Variants in PPP6R3 observed in about 807,000 individuals in gnomAD.
PPP6R3 encodes the protein protein phosphatase 6 regulatory subunit 3.
A neutral mutation model predicts 110.7 loss-of-function variants in PPP6R3; 38 were observed. That is an observed-to-expected ratio of 0.34 (90% CI 0.26 to 0.45). The LOEUF is 0.45. Ranked by LOEUF, PPP6R3 falls within the 20% of genes least tolerant of loss-of-function variation. The pLI, the probability that PPP6R3 is intolerant of heterozygous loss-of-function variation, is 1.00. For missense variants in PPP6R3, 870 were observed against 1,062.4 expected (o/e 0.82, Z 2.52); for synonymous variants, 369 against 373.5 (o/e 0.99, Z 0.14).
intron 1 of PPP6R3, among the ~76,000 whole-genome samples, chr11:68,500,328 C>G (rs772637839): frequency 6.6e-6 from 1 of 151,732 alleles, no homozygotes; most frequent in Non-Finnish European, 1.5e-5. Flanking sequence ...TTGCTCTTCT[C>G]CCACCATGCC....
Position 68,484,838 on chromosome 11 carries a change from C to T in PPP6R3, c.-158+24011C>T, listed in dbSNP as rs540557038. Among the ~76,000 whole-genome samples the T allele has an allele frequency of 3.9e-5, 6 of 152,226 alleles. No individual in the cohort carries two copies. The East Asian group carries it at 9.6e-4, about 24-fold the overall frequency. On this transcript the variant is annotated intron_variant, in intron 1 of 23. Coordinates refer to ENST00000393800, the MANE Select transcript of PPP6R3 (RefSeq NM_001164161.2). ...CTGACCTCAGGTGGTCCACCCACCT[C>T]GGCCTCCCAATGTGCTGAGATTACA...
At chr11:68,577,219 T>TA (rs2099535254) in intron 14 of PPP6R3, among the ~76,000 whole-genome samples, 1 of 152,138 alleles carries the variant, frequency 6.6e-6, no homozygotes, top group South Asian at 2.1e-4. Flanking sequence ...AAGGAAGGGT[T>TA]AAGTCATTTT....
At chr11:68,575,826 C>T in intron 13 of PPP6R3, 132 bp from the exon 14 acceptor site, 1 of 604,774 alleles carries the variant, frequency 1.7e-6, no homozygotes, top group Admixed American at 3.1e-5. Context: ...CACCCAGTTT[C>T]TCAGCTGATA....
intron 8 of PPP6R3, among the ~76,000 whole-genome samples, chr11:68,559,295 A>T (rs1260801426): frequency 2.0e-5 from 3 of 152,222 alleles, no homozygotes; most frequent in Non-Finnish European, 4.4e-5. Context: ...CAGCCATTTC[A>T]TGTGTGTCAT....
Position 68,613,310 on chromosome 11 carries a change from G to A in PPP6R3, c.*193G>A. On this transcript the variant is annotated 3_prime_UTR_variant, in exon 24 of 24. Coordinates refer to ENST00000393800, the MANE Select transcript of PPP6R3 (RefSeq NM_001164161.2). ...CAGAAGTGTAAAAATATTGCACATT[G>A]ACAAATACCAAGAATTTTTGCGTAT... The A allele has an allele frequency of 7.5e-7, 1 of 1,335,144 alleles. No individual in the cohort carries two copies. Among genetic ancestry groups the A allele is most frequent in the Non-Finnish European group, 9.6e-7 (1 of 1,046,048 alleles). The allele number at this position is 1,335,144 out of a possible 1,614,324, so 82.7% of individuals were successfully genotyped here.
At chr11:68,596,690 C>T (rs763675565) in intron 19 of PPP6R3, among the ~76,000 whole-genome samples, 4 of 152,238 alleles carry the variant, frequency 2.6e-5, no homozygotes, top group Non-Finnish European at 5.9e-5. Flanking sequence ...ACTTGTCCAG[C>T]TGAGTGCTTG....
At chr11:68,569,614 G>A in intron 10 of PPP6R3, 134 bp from the exon 11 acceptor site, 1 of 724,350 alleles carries the variant, frequency 1.4e-6, no homozygotes, top group Non-Finnish European at 2.1e-6. Flanking sequence ...GTGAACTCAG[G>A]TTCCTTTTAA....
At chr11:68,465,296 A>G (rs778582035) in intron 1 of PPP6R3, among the ~76,000 whole-genome samples, 2 of 152,188 alleles carry the variant, frequency 1.3e-5, no homozygotes, top group Non-Finnish European at 2.9e-5. Context: ...TCAGCCTTTA[A>G]CACAGTGATC....
intron 19 of PPP6R3, among the ~76,000 whole-genome samples, chr11:68,598,334 G>A (rs1008405336): frequency 3.9e-5 from 6 of 152,202 alleles, no homozygotes; most frequent in African/African-American, 1.4e-4. Flanking sequence ...TTAAGTGACA[G>A]GGAGGGAAAC....
chr11:68,581,953 A>G (rs1565995705), intron 14 of PPP6R3, among the ~76,000 whole-genome samples: 1 of 152,224 alleles, frequency 6.6e-6, no homozygotes, highest in African/African-American at 2.4e-5. Flanking sequence ...GGGGAAAGGA[A>G]GGGAGATTCA....
chr11:68,491,308 A>G (rs1438160131), intron 1 of PPP6R3, among the ~76,000 whole-genome samples: 6 of 146,534 alleles, frequency 4.1e-5, no homozygotes, highest in African/African-American at 1.5e-4. Context: ...TTAAACCAGA[A>G]GGTTGTTAAG....
chr11:68,528,436 G>GTC lies in PPP6R3; in HGVS notation c.-7+8785_-7+8786insTC, dbSNP rs1475087497. ...TATTTGATTTAATTTGTGTGTGTGG[G>GTC]GGGGGGGGCTGCACCTTTATGAAAT... On this transcript the variant is annotated intron_variant, in intron 2 of 23. Transcript: ENST00000393800. 6.9e-5 allele frequency among the ~76,000 whole-genome samples: 5 copies of GTC among 72,796 alleles called. No homozygotes were observed. The Admixed American group carries it at 7.3e-4, about 11-fold the overall frequency. 47.8% of individuals were successfully genotyped at this position (72,796 alleles called of 152,430 possible). A position where few individuals can be genotyped will look rare whatever the true frequency, so the allele number is the denominator to read the frequency against.
At position 68,537,752 on chromosome 11, in the gene PPP6R3, G is replaced by A; in HGVS notation, c.88G>A (p.Glu30Lys). 1 of 1,612,854 alleles carries A rather than the reference G, an allele frequency of 6.2e-7. No individual in the cohort carries two copies. Among genetic ancestry groups the A allele is most frequent in the African/African-American group, 1.3e-5 (1 of 75,012 alleles). ...TGTAACACTGAAGGAGTTAATGGAT[G>A]AGGAAGATGTTTTACAGGAATGTAA... The part of the protein sequence containing the change: ...EDVTLKELMD[E>K]EDVLQECKAQ... The change falls in exon 3 of 24, where the codon GAG becomes AAG. Residue 30 changes from glutamate (E) to lysine (K), a missense_variant. Transcript: ENST00000393800.
At chr11:68,478,647 G>GTTTGTTTTTTTTT (rs2098860395) in intron 1 of PPP6R3, among the ~76,000 whole-genome samples, 1 of 50,506 alleles carries the variant, frequency 2.0e-5, no homozygotes, top group Non-Finnish European at 3.1e-5. Context: ...CACTTGGTAA[G>GTTTGTTTTTTTTT]TTTTTTTTTT....
chr11:68,566,962 A>G (rs1163362597), intron 9 of PPP6R3, 52 bp from the exon 10 acceptor site: 2 of 1,488,256 alleles, frequency 1.3e-6, no homozygotes, highest in Admixed American at 2.2e-5. Context: ...CAAATACACC[A>G]TTTGCTTTGT....
intron 14 of PPP6R3, among the ~76,000 whole-genome samples, chr11:68,581,785 A>C (rs915196138): frequency 6.6e-6 from 1 of 152,232 alleles, no homozygotes; most frequent in African/African-American, 2.4e-5. Flanking sequence ...CCGTTCCTTG[A>C]TCACGGAATC....
chr11:68,482,491 G>C (rs1387489799), intron 1 of PPP6R3, among the ~76,000 whole-genome samples: 2 of 150,940 alleles, frequency 1.3e-5, no homozygotes, highest in Non-Finnish European at 2.9e-5. Context: ...TTTTGTTTTT[G>C]CAAGTTTTCT....
rs765653697 is a variant in PPP6R3, at chr11:68,571,022, TC to T, written c.1279-17del. 6.3e-7 allele frequency: 1 copy of T among 1,582,812 alleles called. No homozygotes were observed. Among genetic ancestry groups the T allele is most frequent in the Non-Finnish European group, 8.6e-7 (1 of 1,167,830 alleles). ...TGCTTTGAAGTATTAACTGGAATATTCTTTTTTTTTTTTTCAGCTTTTCCAA... is the reference window on the plus strand; with the variant it reads ...TGCTTTGAAGTATTAACTGGAATATTTTTTTTTTTTTTTCAGCTTTTCCAA... On this transcript the variant is annotated splice_polypyrimidine_tract_variant and intron_variant, in intron 11 of 23. Transcript: ENST00000393800.
chr11:68,462,020 C>T (rs746847732), intron 1 of PPP6R3, among the ~76,000 whole-genome samples: 8 of 152,118 alleles, frequency 5.3e-5, no homozygotes, highest in Non-Finnish European at 8.8e-5. Context: ...GGCAAGTTAC[C>T]CAGCTTCTCT....
Sources: allele counts gnomAD v4.1 joint callset (sites outside exome capture counted in the v4.1 genomes callset), GRCh38; gene constraint gnomAD v4.1.1; transcripts MANE v1.5; gene names NCBI Gene and HGNC (gene_info 2026-07-23, HGNC 2026-07-21).